Variants in GNG7 observed in about 807,000 individuals in gnomAD.
The protein encoded by GNG7 is guanine nucleotide-binding protein G(I)/G(S)/G(O) subunit gamma-7.
Under a neutral mutation model 4.0 loss-of-function variants are expected in GNG7, and 1 was observed. That is an observed-to-expected ratio of 0.25 (90% confidence interval 0.09 to 1.18). The LOEUF is 1.18. GNG7 is among the 50% of genes most tolerant of loss of function. The pLI, the probability that GNG7 is intolerant of heterozygous loss-of-function variation, is 0.50. For synonymous variants in GNG7, 34 were observed against 36.9 expected (o/e 0.92, Z 0.29); for missense variants, 86 against 91.9 (o/e 0.94, Z 0.26).
chr19:2,673,033 G>T (rs561667255), intron 1 of GNG7, among the ~76,000 whole-genome samples: 196 of 151,920 alleles, frequency 1.3e-3, no homozygotes, highest in African/African-American at 3.4e-3. Flanking sequence ...GAGGCGGGCA[G>T]ATCACAAGGT....
intron 3 of GNG7, among the ~76,000 whole-genome samples, chr19:2,537,509 G>A (rs755883199): frequency 6.6e-6 from 1 of 152,180 alleles, no homozygotes; most frequent in African/African-American, 2.4e-5. Context: ...CACTGGGGCT[G>A]CAAGCGTGAG....
chr19:2,681,748 C>CGT (rs1265067279), intron 1 of GNG7, among the ~76,000 whole-genome samples: 1 of 152,118 alleles, frequency 6.6e-6, no homozygotes, highest in Non-Finnish European at 1.5e-5. Context: ...TGAGGATCCC[C>CGT]GTGTCTCTAC....
intron 2 of GNG7, among the ~76,000 whole-genome samples, chr19:2,562,438 C>G (rs144638515): frequency 2.6e-4 from 39 of 151,876 alleles, no homozygotes; most frequent in African/African-American, 8.7e-4. Flanking sequence ...CGTGAGCCAC[C>G]GCGCCCCGCT....
intron 3 of GNG7, among the ~76,000 whole-genome samples, chr19:2,526,396 C>T (rs1337917055): frequency 6.6e-5 from 10 of 150,932 alleles, no homozygotes; most frequent in Admixed American, 4.0e-4. Context: ...TGAGCCACCG[C>T]GCCTGGTCTA....
Position 2,695,308 on chromosome 19 carries a change from A to C in GNG7, c.-135+7338T>G, listed in dbSNP as rs373054649. ...CTACCCCCCTGGACGACTTCTTATC[A>C]CCCCTGCACCTATTCAGCTCCTAGA... On this transcript the variant is annotated intron_variant, in intron 1 of 4. Coordinates refer to ENST00000382159, the MANE Select transcript of GNG7 (RefSeq NM_052847.3). Among the ~76,000 whole-genome samples, 13 of 149,600 alleles carry C rather than the reference A, an allele frequency of 8.7e-5. No individual in the cohort carries two copies. The East Asian group carries it at 2.0e-3, about 23-fold the overall frequency.
At chr19:2,555,382 C>T (rs901244612) in intron 2 of GNG7, among the ~76,000 whole-genome samples, 194 bp from the exon 3 acceptor site, 12 of 152,156 alleles carry the variant, frequency 7.9e-5, no homozygotes, top group African/African-American at 2.4e-4. Context: ...ACCACCGATC[C>T]GTGCGGAGAA....
rs1298262079 is a variant in GNG7, at chr19:2,650,953, C to A, written c.-134-4673G>T. Among the ~76,000 whole-genome samples the A allele has an allele frequency of 2.0e-5, 3 of 152,286 alleles. No individual in the cohort carries two copies. In the East Asian group the frequency reaches 5.8e-4, roughly 29 times the overall value. Reference sequence around the variant, plus strand: ...TCATAAATTAGTATGGATTTCAAGGCGCCAATAGCCCGGCTTTAAACCCAG... The same window carrying A: ...TCATAAATTAGTATGGATTTCAAGGAGCCAATAGCCCGGCTTTAAACCCAG... On this transcript the variant is annotated intron_variant, in intron 1 of 4. Coordinates refer to ENST00000382159, the MANE Select transcript of GNG7 (RefSeq NM_052847.3).
intron 2 of GNG7, among the ~76,000 whole-genome samples, chr19:2,604,220 A>C (rs1981304492): frequency 6.6e-6 from 1 of 152,072 alleles, no homozygotes. Context: ...CCCGTCTCCC[A>C]GCACTTTGGG....
At chr19:2,537,849 G>A (rs1047700811) in intron 3 of GNG7, among the ~76,000 whole-genome samples, 11 of 152,160 alleles carry the variant, frequency 7.2e-5, no homozygotes, top group Admixed American at 5.9e-4. Context: ...GCCGAGGCAG[G>A]CAGATCACTT....
chr19:2,562,183 C>T (rs140662512), intron 2 of GNG7, among the ~76,000 whole-genome samples: 15 of 152,344 alleles, frequency 9.8e-5, no homozygotes, highest in Middle Eastern at 3.4e-3. Flanking sequence ...CACACAGAGC[C>T]AGAGCCGTGA....
rs1568268776 is a variant in GNG7, at chr19:2,633,491, A to ACACGCGCG, written c.-78+12732_-78+12733insCGCGCGTG. 2.7e-4 allele frequency among the ~76,000 whole-genome samples: 22 copies of ACACGCGCG among 82,864 alleles called. No individual in the cohort carries two copies. Among genetic ancestry groups the ACACGCGCG allele is most frequent in the African/African-American group, 1.6e-3 (22 of 13,870 alleles). The allele number at this position is 82,864 out of a possible 152,430, so 54.4% of individuals were successfully genotyped here. Reference sequence around the variant, plus strand: ...AACAGGCGCGCGCGCGCGCGCGCACACACACACACACACACACACACACAC... The same window carrying ACACGCGCG: ...AACAGGCGCGCGCGCGCGCGCGCACACACGCGCGCACACACACACACACACACACACAC... On this transcript the variant is annotated intron_variant, in intron 2 of 4. Coordinates refer to ENST00000382159, the MANE Select transcript of GNG7 (RefSeq NM_052847.3). The surrounding 1 kb of genome is among the most constrained non-coding windows in gnomAD (Gnocchi z 5.9).
At chr19:2,576,040 C>T (rs956380737) in intron 2 of GNG7, among the ~76,000 whole-genome samples, 12 of 148,378 alleles carry the variant, frequency 8.1e-5, no homozygotes, top group African/African-American at 2.8e-4. Context: ...CACAGACACA[C>T]ACAGACACAT....
intron 2 of GNG7, among the ~76,000 whole-genome samples, chr19:2,637,050 C>T (rs952889308): frequency 6.6e-6 from 1 of 152,050 alleles, no homozygotes; most frequent in Non-Finnish European, 1.5e-5. Context: ...ACCTGCACAC[C>T]CACTGCACCC....
chr19:2,645,740 T>C (rs1568272896), intron 2 of GNG7, among the ~76,000 whole-genome samples: 1 of 152,090 alleles, frequency 6.6e-6, no homozygotes, highest in Non-Finnish European at 1.5e-5. Flanking sequence ...TCTGCCTTCC[T>C]TTCTACTTAT....
chr19:2,527,774 A>ACCC (rs59937877), intron 3 of GNG7, among the ~76,000 whole-genome samples: 1,471 of 124,662 alleles, frequency 0.012, 20 homozygotes, highest in Admixed American at 0.035. Flanking sequence ...TTGCCAGGAA[A>ACCC]CCCCCCCCCC....
rs914572834 is a variant in GNG7 at position 2,634,042 on chromosome 19, C to T, written c.-78+12182G>A. Among the ~76,000 whole-genome samples, 5 of 152,082 alleles carry T rather than the reference C, an allele frequency of 3.3e-5. No homozygotes were observed. Among genetic ancestry groups the T allele is most frequent in the African/African-American group, 7.2e-5 (3 of 41,420 alleles). Reference sequence around the variant, plus strand: ...TGATCCTCTGCCCTGCTGAGGTCCCCGGAGGCTGCACACATTGAAATCCAC... The same window carrying T: ...TGATCCTCTGCCCTGCTGAGGTCCCTGGAGGCTGCACACATTGAAATCCAC... On this transcript the variant is annotated intron_variant, in intron 2 of 4. Transcript: ENST00000382159. The surrounding 1 kb of genome is among the most constrained non-coding windows in gnomAD (Gnocchi z 5.3).
chr19:2,568,493 C>T (rs544707929), intron 2 of GNG7, among the ~76,000 whole-genome samples: 1 of 151,498 alleles, frequency 6.6e-6, no homozygotes, highest in South Asian at 2.1e-4. Flanking sequence ...GACTTACGCA[C>T]ATACACAGGG....
chr19:2,520,045 G>C (rs1051160547), intron 4 of GNG7, among the ~76,000 whole-genome samples: 3 of 152,158 alleles, frequency 2.0e-5, no homozygotes, highest in African/African-American at 7.2e-5. Flanking sequence ...GCCAGGCATG[G>C]TGGTGCATGC....
At chr19:2,537,602 T>A (rs1978783334) in intron 3 of GNG7, among the ~76,000 whole-genome samples, 1 of 151,922 alleles carries the variant, frequency 6.6e-6, no homozygotes, top group Non-Finnish European at 1.5e-5. Flanking sequence ...CAACATATAA[T>A]ACACTGAGCA....
Sources: allele counts gnomAD v4.1 joint callset (sites outside exome capture counted in the v4.1 genomes callset), GRCh38; gene constraint gnomAD v4.1.1; non-coding constraint Gnocchi (gnomAD v3.1); transcripts MANE v1.5; gene names NCBI Gene and HGNC (gene_info 2026-07-23, HGNC 2026-07-21).